The following SYT16 variants were observed in gnomAD, a reference collection of about 807,000 sequenced individuals.
SYT16 encodes synaptotagmin 16, also known as synaptotagmin-16.
SYT16 carries 42 observed loss-of-function variants against 61.4 expected under a neutral mutation model. The observed-to-expected ratio is 0.68, with a 90% CI of 0.53 to 0.89. The LOEUF is 0.89. Among genes scored for constraint, SYT16 ranks in the 40% least tolerant of loss-of-function variants. The probability of loss-of-function intolerance (pLI) is 0.00; values close to 1 mark genes in which losing one functional copy is unlikely to be tolerated. For synonymous variants in SYT16, 314 were observed against 302.3 expected (o/e 1.04, Z -0.40); for missense variants, 804 against 807.3 (o/e 1.00, Z 0.05).
intron 3 of SYT16, among the ~76,000 whole-genome samples, chr14:62,031,745 A>C (rs1246143517): frequency 4.6e-5 from 7 of 152,182 alleles, no homozygotes; most frequent in Non-Finnish European, 1.0e-4. Flanking sequence ...TAAAACATCT[A>C]GGTAAGATGG....
chr14:61,916,634 T>C (rs2049131175), intron 1 of SYT16, among the ~76,000 whole-genome samples: 1 of 152,150 alleles, frequency 6.6e-6, no homozygotes, highest in Admixed American at 6.6e-5. Flanking sequence ...ATGTGCAATA[T>C]ATTATTGATA....
chr14:62,018,935 G>A (rs1030460300), intron 3 of SYT16, among the ~76,000 whole-genome samples: 4 of 152,148 alleles, frequency 2.6e-5, no homozygotes, highest in Non-Finnish European at 5.9e-5. Context: ...CTGCATCTGC[G>A]CTTGCCTCAT....
intron 2 of SYT16, among the ~76,000 whole-genome samples, chr14:61,970,717 A>G (rs2051510899): frequency 6.6e-6 from 1 of 152,222 alleles, no homozygotes; most frequent in South Asian, 2.1e-4. Flanking sequence ...CTCACTGAGT[A>G]TACCATGTCA....
chr14:62,070,960 C>T (rs1595344474), intron 4 of SYT16, among the ~76,000 whole-genome samples: 1 of 152,038 alleles, frequency 6.6e-6, no homozygotes, highest in African/African-American at 2.4e-5. Flanking sequence ...GACAAGCAGA[C>T]AGAATAAAGG....
chr14:61,976,763 C>T (rs2051823318), intron 2 of SYT16, among the ~76,000 whole-genome samples: 1 of 152,122 alleles, frequency 6.6e-6, no homozygotes, highest in East Asian at 1.9e-4. Flanking sequence ...CCATGAGGAC[C>T]TCTGACATGC....
At chr14:61,865,195 C>T (rs2047108060) in intron 1 of SYT16, 1 of 1,130,692 alleles carries the variant, frequency 8.8e-7, no homozygotes, top group Non-Finnish European at 1.3e-6. Flanking sequence ...CTGTCACTGA[C>T]TATAAGCGAC....
intron 1 of SYT16, among the ~76,000 whole-genome samples, chr14:61,942,815 T>G (rs953631295): frequency 6.6e-6 from 1 of 152,174 alleles, no homozygotes; most frequent in East Asian, 1.9e-4. Context: ...CATCTAATAG[T>G]TTTCCATCCT....
chr14:61,990,937 G>A (rs116327471), intron 2 of SYT16, among the ~76,000 whole-genome samples: 1,618 of 152,140 alleles, frequency 0.011, 31 homozygotes, highest in African/African-American at 0.037. Context: ...TTACTGCTTA[G>A]TCATTTCCTA....
intron 1 of SYT16, among the ~76,000 whole-genome samples, chr14:61,833,859 C>T (rs144592842): frequency 8.2e-4 from 124 of 151,638 alleles, no homozygotes; most frequent in African/African-American, 2.9e-3. Flanking sequence ...GGCTTTATTC[C>T]TGCAGGGAGT....
In SYT16 at chr14:61,854,988, T is replaced by C. The variant is rs76607946; in HGVS notation, c.-325+42178T>C. On this transcript the variant is annotated intron_variant, in intron 1 of 7. Transcript: ENST00000683842. ...AGTGAAAATCTAGCACCTTGGGTTT[T>C]TCTCTCATCACACTTGCTTGTATAG... Among the ~76,000 whole-genome samples, 189 of 152,290 alleles carry C rather than the reference T, an allele frequency of 1.2e-3. 4 individuals are homozygous for C. The East Asian group carries it at 0.021, about 17-fold the overall frequency.
intron 1 of SYT16, among the ~76,000 whole-genome samples, chr14:61,925,001 C>T (rs1308039328): frequency 1.3e-5 from 2 of 152,224 alleles, no homozygotes; most frequent in Non-Finnish European, 2.9e-5. Context: ...ATAAAACGTA[C>T]ACTTGCATCT....
chr14:62,041,929 C>T (rs927774808), intron 3 of SYT16, among the ~76,000 whole-genome samples: 3 of 152,124 alleles, frequency 2.0e-5, no homozygotes, highest in Non-Finnish European at 4.4e-5. Context: ...TGCCATCAAT[C>T]CCAGTCAGTA....
intron 1 of SYT16, among the ~76,000 whole-genome samples, chr14:61,834,809 G>A (rs2140241797): frequency 6.6e-6 from 1 of 152,242 alleles, no homozygotes; most frequent in Middle Eastern, 3.4e-3. Context: ...ACTGTTTGAT[G>A]CTCTGAATTG....
chr14:62,071,287 G>A (rs1012183197), intron 4 of SYT16, among the ~76,000 whole-genome samples: 2 of 152,220 alleles, frequency 1.3e-5, no homozygotes, highest in African/African-American at 4.8e-5. Context: ...AGAACAGCTT[G>A]TTTAATCCTA....
intron 3 of SYT16, among the ~76,000 whole-genome samples, chr14:62,063,095 A>G (rs1566811285): frequency 1.3e-5 from 2 of 152,200 alleles, no homozygotes; most frequent in African/African-American, 2.4e-5. Context: ...GTTAGCTCCT[A>G]CAGAGCACTC....
At chr14:62,050,073 A>C (rs2055199778) in intron 3 of SYT16, among the ~76,000 whole-genome samples, 1 of 152,224 alleles carries the variant, frequency 6.6e-6, no homozygotes, top group Non-Finnish European at 1.5e-5. Context: ...GTGTTTTCCA[A>C]CTTGCCTCCA....
rs571340225 is a variant in SYT16 at position 61,880,376 on chromosome 14, G to A, written c.-325+67566G>A. 4.9e-4 allele frequency among the ~76,000 whole-genome samples: 74 copies of A among 152,328 alleles called. No homozygotes were observed. The South Asian group carries it at 0.011, about 22-fold the overall frequency. Reference sequence around the variant, plus strand: ...TCTTAGTTGCTTTACAGGTGGTTATGTAGCTTTAACAAGTCCAGACACAGG... The same window carrying A: ...TCTTAGTTGCTTTACAGGTGGTTATATAGCTTTAACAAGTCCAGACACAGG... On this transcript the variant is annotated intron_variant, in intron 1 of 7. Transcript: ENST00000683842.
At chr14:61,815,400 T>C (rs2045397064) in intron 1 of SYT16, among the ~76,000 whole-genome samples, 1 of 152,058 alleles carries the variant, frequency 6.6e-6, no homozygotes. Context: ...CAACCCCCAT[T>C]TTTCTCCCCC....
In SYT16 at chr14:61,862,431, C is replaced by T. The variant is rs189287283; in HGVS notation, c.-325+49621C>T. Among the ~76,000 whole-genome samples, 177 of 152,262 alleles carry T rather than the reference C, an allele frequency of 1.2e-3. 2 individuals carry two copies. The highest frequency in any genetic ancestry group is 1.6e-3 in the Non-Finnish European group (107 of 68,016). On this transcript the variant is annotated intron_variant, in intron 1 of 7. Coordinates refer to ENST00000683842, the MANE Select transcript of SYT16 (RefSeq NM_001367656.1). ...AATGCTTTGGAGATTCATCATTGTT[C>T]TTGTGTGCATCAATGTTTATTCCCT...
Sources: gnomAD v4.1 joint callset for allele counts (sites outside exome capture counted in the v4.1 genomes callset) on GRCh38, gnomAD v4.1.1 for gene constraint, MANE v1.5 for transcripts, NCBI Gene and HGNC (gene_info 2026-07-23, HGNC 2026-07-21) for gene names.